Variants in FUBP3 observed in about 807,000 individuals in gnomAD.
The protein encoded by FUBP3 is far upstream element-binding protein 3.
A neutral mutation model predicts 85.6 loss-of-function variants in FUBP3; 28 were observed. The ratio of observed to expected loss-of-function variants is 0.33; its 90% CI spans 0.24 to 0.45. The LOEUF (loss-of-function observed/expected upper bound fraction) is 0.45, where lower values mean the gene tolerates loss of function less well. FUBP3 is among the 20% of genes least tolerant of loss of function. The pLI, the probability that FUBP3 is intolerant of heterozygous loss-of-function variation, is 1.00. For missense variants in FUBP3, 583 were observed against 755.1 expected (o/e 0.77, Z 2.67); for synonymous variants, 271 against 271.4 (o/e 1.00, Z 0.01).
At chr9:130,599,864 C>T (rs1449458978) in intron 2 of FUBP3, among the ~76,000 whole-genome samples, 2 of 152,146 alleles carry the variant, frequency 1.3e-5, no homozygotes, top group African/African-American at 4.8e-5. Context: ...GATCTTGCAA[C>T]CTGGCCATTG....
chr9:130,579,918 C>G (rs1830059210), intron 1 of FUBP3, among the ~76,000 whole-genome samples, 154 bp downstream of exon 1: 1 of 152,100 alleles, frequency 6.6e-6, no homozygotes, highest in South Asian at 2.1e-4. Flanking sequence ...CCGGGAGGAG[C>G]CGGGGGGATA....
chr9:130,584,876 GT>G (rs1830277532), intron 1 of FUBP3, among the ~76,000 whole-genome samples: 2 of 142,858 alleles, frequency 1.4e-5, no homozygotes, highest in South Asian at 4.5e-4. Context: ...CCCAAAAAAA[GT>G]TTCGGTCAGG....
chr9:130,613,766 G>A (rs962517400), intron 5 of FUBP3, among the ~76,000 whole-genome samples: 3 of 152,134 alleles, frequency 2.0e-5, no homozygotes, highest in Non-Finnish European at 2.9e-5. Context: ...ACAAAATGAG[G>A]CATCACATGT....
Position 130,604,018 on chromosome 9 carries a change from T to C in FUBP3, c.191-5936T>C, listed in dbSNP as rs990601499. ...CCTTCAACTGATGAATGGTTCTGCTTGCGATACAGCCATACCGTGGAATAT... is the reference window on the plus strand; with the variant it reads ...CCTTCAACTGATGAATGGTTCTGCTCGCGATACAGCCATACCGTGGAATAT... On this transcript the variant is annotated intron_variant, in intron 2 of 18. Coordinates refer to ENST00000319725, the MANE Select transcript of FUBP3 (RefSeq NM_003934.2). 3.3e-5 allele frequency among the ~76,000 whole-genome samples: 5 copies of C among 152,154 alleles called. No homozygotes were observed. In the East Asian group the frequency reaches 9.6e-4, roughly 29 times the overall value.
At chr9:130,598,099 C>G (rs1235451353) in intron 2 of FUBP3, among the ~76,000 whole-genome samples, 1 of 152,164 alleles carries the variant, frequency 6.6e-6, no homozygotes, top group Non-Finnish European at 1.5e-5. Flanking sequence ...GATTCTGGAC[C>G]TACTGGGTGA....
intron 3 of FUBP3, among the ~76,000 whole-genome samples, chr9:130,611,408 C>G (rs1164645346): frequency 6.6e-6 from 1 of 152,120 alleles, no homozygotes; most frequent in East Asian, 1.9e-4. Flanking sequence ...TTGGGGAGAA[C>G]ACATACATCG....
chr9:130,630,767 G>C lies in FUBP3; in HGVS notation c.1257G>C (p.Gln419His). The C allele has an allele frequency of 6.6e-7, 1 of 1,516,436 alleles. No homozygotes were observed. The highest frequency in any genetic ancestry group is 8.8e-7 in the Non-Finnish European group (1 of 1,134,318). The allele number at this position is 1,516,436 out of a possible 1,614,324, so 93.9% of individuals were successfully genotyped here. Residue 419 changes from glutamine to histidine, a missense_variant, in exon 13 of 19, where the codon CAG becomes CAC. This residue lies in a region of FUBP3 where 404 missense variants were observed against 516.8 expected (regional missense o/e 0.78). Coordinates refer to ENST00000319725, the MANE Select transcript of FUBP3 (RefSeq NM_003934.2). The part of the protein sequence containing the change: ...GVPQQIEVAR[Q>H]LIDEKVGGTN... ...CCCAGCAGATCGAGGTGGCCAGGCA[G>C]CTCATAGATGAGAAAGTTGGCGTAC...
intron 2 of FUBP3, among the ~76,000 whole-genome samples, chr9:130,599,902 G>A (rs1831068677): frequency 6.6e-6 from 1 of 152,076 alleles, no homozygotes; most frequent in Non-Finnish European, 1.5e-5. Flanking sequence ...CTCCTCCCGT[G>A]CACCTCCTGT....
intron 11 of FUBP3, 27 bp downstream of exon 11, chr9:130,623,738 T>A (rs771249400): frequency 2.4e-5 from 35 of 1,488,646 alleles, no homozygotes; most frequent in Non-Finnish European, 2.3e-5. Flanking sequence ...AGAGTGTGAG[T>A]GTTTGGGCTG....
intron 1 of FUBP3, among the ~76,000 whole-genome samples, chr9:130,594,645 G>T (rs1427936230): frequency 6.6e-6 from 1 of 152,092 alleles, no homozygotes; most frequent in Non-Finnish European, 1.5e-5. Context: ...TGTAGTCTCA[G>T]CTGCTTGGGA....
chr9:130,585,170 A>G (rs893231573), intron 1 of FUBP3, among the ~76,000 whole-genome samples: 1 of 152,186 alleles, frequency 6.6e-6, no homozygotes, highest in Non-Finnish European at 1.5e-5. Context: ...AAAAGAAAAA[A>G]AAAGATTTCT....
At chr9:130,589,705 ATTTTTT>A (rs779633795) in intron 1 of FUBP3, among the ~76,000 whole-genome samples, 52 of 73,808 alleles carry the variant, frequency 7.0e-4, no homozygotes, top group African/African-American at 1.7e-3. Flanking sequence ...ATATATATAT[ATTTTTT>A]TTTTTTTTTT....
Position 130,579,634 on chromosome 9 carries a change from C to A in FUBP3, c.-47C>A. 5.4e-6 allele frequency: 6 copies of A among 1,106,206 alleles called. No homozygotes were observed. Among genetic ancestry groups the A allele is most frequent in the Non-Finnish European group, 6.9e-6 (6 of 872,906 alleles). 68.5% of individuals were successfully genotyped at this position (1,106,206 alleles called of 1,614,324 possible). On this transcript the variant is annotated 5_prime_UTR_variant, in exon 1 of 19. Coordinates refer to ENST00000319725, the MANE Select transcript of FUBP3 (RefSeq NM_003934.2). ...GAGGCCGGACCGGGGAGCCGAGCGGCGGCGTCGGCGGCGTCGGCGGCGGCG... is the reference window on the plus strand; with the variant it reads ...GAGGCCGGACCGGGGAGCCGAGCGGAGGCGTCGGCGGCGTCGGCGGCGGCG...
chr9:130,605,387 C>T (rs1831370877), intron 2 of FUBP3, among the ~76,000 whole-genome samples: 1 of 152,184 alleles, frequency 6.6e-6, no homozygotes, highest in Non-Finnish European at 1.5e-5. Context: ...GAGTTAATAG[C>T]ACAAAATTAA....
chr9:130,609,924 A>ATT, intron 2 of FUBP3, 30 bp from the exon 3 acceptor site: 40 of 1,508,342 alleles, frequency 2.7e-5, no homozygotes, highest in Non-Finnish European at 3.6e-5. Flanking sequence ...TAATGCTTTG[A>ATT]TTTTTTTTTT....
At chr9:130,582,450 C>CA (rs71387370) in intron 1 of FUBP3, among the ~76,000 whole-genome samples, 19,270 of 124,510 alleles carry the variant, frequency 0.15, 1,529 homozygotes, top group East Asian at 0.28. Context: ...GACACTGTCT[C>CA]AAAAAAAAAA....
intron 18 of FUBP3, among the ~76,000 whole-genome samples, chr9:130,636,666 C>A (rs1015065044): frequency 1.3e-5 from 2 of 152,220 alleles, no homozygotes; most frequent in African/African-American, 4.8e-5. Flanking sequence ...TCCAAATGTT[C>A]CCACAGGGCG....
At position 130,619,447 on chromosome 9, in the gene FUBP3, T is replaced by C. The variant is rs562798954; in HGVS notation, c.667-907T>C. Among the ~76,000 whole-genome samples the C allele has an allele frequency of 2.2e-4, 34 of 152,280 alleles. No individual in the cohort carries two copies. In the South Asian group the frequency reaches 6.8e-3, roughly 31 times the overall value. On this transcript the variant is annotated intron_variant, in intron 8 of 18. Transcript: ENST00000319725. ...ATTGAAGTGGCAGATGTTATGACAC[T>C]ACCCCTAAATCCTTAAGCATGTGTC...
chr9:130,582,911 G>C (rs1378099842), intron 1 of FUBP3, among the ~76,000 whole-genome samples: 1 of 152,156 alleles, frequency 6.6e-6, no homozygotes, highest in Non-Finnish European at 1.5e-5. Flanking sequence ...CGCCTAAATA[G>C]AAATTGTTCT....
Sources: allele counts gnomAD v4.1 joint callset (sites outside exome capture counted in the v4.1 genomes callset), GRCh38; gene constraint gnomAD v4.1.1; regional missense constraint gnomAD v4.1.1; transcripts MANE v1.5; gene names NCBI Gene and HGNC (gene_info 2026-07-23, HGNC 2026-07-21).